The following MAPK10 variants were observed in gnomAD, a reference collection of about 807,000 sequenced individuals.
MAPK10 encodes the protein JNK3 alpha protein kinase.
Under a neutral mutation model 59.3 loss-of-function variants are expected in MAPK10, and 25 were observed. The ratio of observed to expected loss-of-function variants is 0.42; its 90% CI spans 0.31 to 0.59. The LOEUF (loss-of-function observed/expected upper bound fraction) is 0.59. Ranked by LOEUF, MAPK10 falls within the 20% of genes least tolerant of loss-of-function variation. The pLI, the probability that MAPK10 is intolerant of heterozygous loss-of-function variation, is 0.15. For missense variants in MAPK10, 351 were observed against 568.9 expected (o/e 0.62, Z 3.90); for synonymous variants, 190 against 200.5 (o/e 0.95, Z 0.44).
intron 1 of MAPK10, among the ~76,000 whole-genome samples, chr4:86,518,812 G>A (rs1756903971): frequency 6.6e-6 from 1 of 151,958 alleles, no homozygotes; most frequent in African/African-American, 2.4e-5. Flanking sequence ...GATAGGCTGT[G>A]TCACTATTAT....
intron 9 of MAPK10, chr4:86,090,655 C>T (rs755621002): frequency 5.9e-5 from 9 of 151,994 alleles, no homozygotes; most frequent in East Asian, 1.9e-4. Flanking sequence ...AAGAAAAAAA[C>T]GGAAAACATA....
chr4:86,520,428 CA>C (rs1757029469), intron 1 of MAPK10, among the ~76,000 whole-genome samples: 2 of 152,058 alleles, frequency 1.3e-5, no homozygotes, highest in East Asian at 3.9e-4. Context: ...GTGTATTTTG[CA>C]TTTCTCTAAG....
At chr4:86,511,484 T>C (rs1291762852) in intron 1 of MAPK10, among the ~76,000 whole-genome samples, 1 of 152,050 alleles carries the variant, frequency 6.6e-6, no homozygotes, top group Non-Finnish European at 1.5e-5. Context: ...GAGGATGGCT[T>C]GAGCACAGGA....
At chr4:86,335,690 A>G (rs1466204673) in intron 2 of MAPK10, among the ~76,000 whole-genome samples, 2 of 152,266 alleles carry the variant, frequency 1.3e-5, no homozygotes, top group East Asian at 3.9e-4. Flanking sequence ...ATGGACTTAC[A>G]GTTCCACATG....
chr4:86,069,571 G>A (rs1225804290), intron 9 of MAPK10, among the ~76,000 whole-genome samples: 2 of 152,016 alleles, frequency 1.3e-5, no homozygotes, highest in African/African-American at 4.8e-5. Flanking sequence ...ATGGATATAG[G>A]TAAGCTATAA....
chr4:86,174,496 C>T (rs1206510008), intron 3 of MAPK10, among the ~76,000 whole-genome samples: 1 of 152,032 alleles, frequency 6.6e-6, no homozygotes, highest in Non-Finnish European at 1.5e-5. Context: ...TGCATCAGGA[C>T]AAATAGCTAA....
chr4:86,520,093 T>C (rs896462848), intron 1 of MAPK10, among the ~76,000 whole-genome samples: 2 of 152,224 alleles, frequency 1.3e-5, no homozygotes, highest in Non-Finnish European at 1.5e-5. Context: ...ACTATGTGCC[T>C]AGGTTATAAT....
chr4:86,570,679 C>T (rs558264150), intron 1 of MAPK10, among the ~76,000 whole-genome samples: 2 of 152,030 alleles, frequency 1.3e-5, no homozygotes, highest in African/African-American at 4.8e-5. Context: ...TACCTATAAC[C>T]TGAGAACTGA....
chr4:86,255,904 C>T (rs2093687990), intron 2 of MAPK10, among the ~76,000 whole-genome samples: 1 of 152,050 alleles, frequency 6.6e-6, no homozygotes, highest in Admixed American at 6.6e-5. Flanking sequence ...CCTATTTATT[C>T]ACAGCATCAA....
intron 1 of MAPK10, among the ~76,000 whole-genome samples, chr4:86,493,700 C>T (rs868718805): frequency 3.3e-5 from 5 of 152,250 alleles, no homozygotes; most frequent in Middle Eastern, 6.8e-3. Flanking sequence ...CTCTTTAGTT[C>T]TAAGAATCTC....
At chr4:86,568,373 C>T (rs541966928) in intron 1 of MAPK10, among the ~76,000 whole-genome samples, 2 of 152,150 alleles carry the variant, frequency 1.3e-5, no homozygotes, top group African/African-American at 4.8e-5. Context: ...AAGCAATCTA[C>T]AGATTCAACA....
chr4:86,039,547 A>T (rs926307966), intron 11 of MAPK10, among the ~76,000 whole-genome samples: 5 of 152,162 alleles, frequency 3.3e-5, no homozygotes, highest in African/African-American at 4.8e-5. Context: ...CTCAAGGTCT[A>T]TACAGCAGAC....
intron 2 of MAPK10, among the ~76,000 whole-genome samples, chr4:86,348,102 T>C (rs1311008628): frequency 6.6e-6 from 1 of 152,212 alleles, no homozygotes; most frequent in Non-Finnish European, 1.5e-5. Flanking sequence ...TTCTCTTCAC[T>C]TTGATTGTTA....
chr4:86,029,359 G>A (rs779029978), intron 12 of MAPK10, 85 bp from the exon 13 acceptor site: 15 of 788,468 alleles, frequency 1.9e-5, no homozygotes, highest in Admixed American at 3.8e-5. Flanking sequence ...AAATAATTAC[G>A]TTTTGATGGG....
At chr4:86,115,487 G>GTTTTTTTT (rs1443096946) in intron 4 of MAPK10, among the ~76,000 whole-genome samples, 3 of 151,924 alleles carry the variant, frequency 2.0e-5, no homozygotes, top group Admixed American at 6.5e-5. Context: ...TTTTTGGACA[G>GTTTTTTTT]TTTTGCTCTT....
At chr4:86,051,585 A>G (rs1000636426) in intron 11 of MAPK10, among the ~76,000 whole-genome samples, 8 of 152,210 alleles carry the variant, frequency 5.3e-5, no homozygotes, top group Admixed American at 3.9e-4. Flanking sequence ...AACATCCTAC[A>G]GCGTTTAAAG....
intron 5 of MAPK10, 40 bp downstream of exon 5, chr4:86,107,183 A>G (rs1486732437): frequency 1.9e-6 from 3 of 1,542,628 alleles, no homozygotes; most frequent in Non-Finnish European, 2.7e-6. Flanking sequence ...CCAATCTTAC[A>G]AACTCCCACT....
chr4:86,133,959 A>G (rs745699391), intron 4 of MAPK10, among the ~76,000 whole-genome samples: 3 of 152,254 alleles, frequency 2.0e-5, no homozygotes, highest in Non-Finnish European at 4.4e-5. Flanking sequence ...ATTCTACCAA[A>G]TGAAGAAATT....
chr4:86,249,691 G>A (rs747174233), intron 2 of MAPK10, among the ~76,000 whole-genome samples: 1 of 152,158 alleles, frequency 6.6e-6, no homozygotes, highest in Non-Finnish European at 1.5e-5. Context: ...GGTCCAGATA[G>A]TGGGTTTGAC....
Sources: gnomAD v4.1 joint callset for allele counts (sites outside exome capture counted in the v4.1 genomes callset) on GRCh38, gnomAD v4.1.1 for gene constraint, MANE v1.5 for transcripts, NCBI Gene and HGNC (gene_info 2026-07-23, HGNC 2026-07-21) for gene names.